The following KCNIP4 variants were observed in gnomAD, a reference collection of about 807,000 sequenced individuals.
KCNIP4 encodes the protein potassium voltage-gated channel interacting protein 4.
In KCNIP4, 12 loss-of-function variants were observed where a neutral mutation model predicts 34.0. The ratio of observed to expected loss-of-function variants is 0.35; its 90% confidence interval spans 0.23 to 0.57. KCNIP4 has a LOEUF of 0.57. Among genes scored for constraint, KCNIP4 ranks in the 20% least tolerant of loss-of-function variants. The probability of loss-of-function intolerance (pLI) is 0.83; values close to 1 mark genes in which losing one functional copy is unlikely to be tolerated. For synonymous variants in KCNIP4, 124 were observed against 102.2 expected, an observed-to-expected ratio of 1.21 and a Z score of -1.29; for missense variants, 238 against 311.7, an observed-to-expected ratio of 0.76 and a Z score of 1.78.
At chr4:21,593,160 GA>G (rs1451624709) in intron 1 of KCNIP4, among the ~76,000 whole-genome samples, 15 of 144,974 alleles carry the variant, frequency 1.0e-4, no homozygotes, top group Middle Eastern at 3.5e-3. Flanking sequence ...TTAACAGAGT[GA>G]AAAAAAAAAG....
chr4:21,260,456 C>T (rs1425024552), intron 1 of KCNIP4, among the ~76,000 whole-genome samples: 1 of 152,140 alleles, frequency 6.6e-6, no homozygotes, highest in Non-Finnish European at 1.5e-5. Flanking sequence ...ATGACATGCC[C>T]ATGACGTAGT....
chr4:20,766,253 A>C (rs920278561), intron 3 of KCNIP4, among the ~76,000 whole-genome samples: 2 of 152,160 alleles, frequency 1.3e-5, no homozygotes, highest in Admixed American at 1.3e-4. Flanking sequence ...AGATCACAGA[A>C]TCAGGAAACT....
At chr4:21,479,192 C>T (rs539952462) in intron 1 of KCNIP4, among the ~76,000 whole-genome samples, 2 of 152,126 alleles carry the variant, frequency 1.3e-5, no homozygotes, top group African/African-American at 4.8e-5. Context: ...CAGAAGACAC[C>T]TACTATCACC....
At position 21,685,227 on chromosome 4, in the gene KCNIP4, T is replaced by C. The variant is rs146329270; in HGVS notation, c.61+263344A>G. Among the ~76,000 whole-genome samples, 896 of 152,320 alleles carry C rather than the reference T, an allele frequency of 5.9e-3. 13 individuals are homozygous for C. Among genetic ancestry groups the C allele is most frequent in the South Asian group, 8.5e-3 (41 of 4,828 alleles). On this transcript the variant is annotated intron_variant, in intron 1 of 8. Transcript: ENST00000382152. The stretch of plus-strand genomic sequence containing the variant: ...AATAATTGCATAATGTTTTACATAA[T>C]ACACTACACCGATTTATAAGTATCT...
intron 1 of KCNIP4, among the ~76,000 whole-genome samples, chr4:20,883,390 A>G (rs1163760420): frequency 6.6e-6 from 1 of 152,228 alleles, no homozygotes; most frequent in African/African-American, 2.4e-5. Context: ...TTAACCCAGG[A>G]ATAGACGGAG....
intron 1 of KCNIP4, among the ~76,000 whole-genome samples, chr4:21,307,815 G>A (rs557186790): frequency 3.4e-4 from 51 of 152,192 alleles, no homozygotes; most frequent in African/African-American, 1.2e-3. Context: ...CATGAGCACT[G>A]CATGCTCACA....
At chr4:21,738,674 T>A (rs1716184083) in intron 1 of KCNIP4, among the ~76,000 whole-genome samples, 1 of 152,190 alleles carries the variant, frequency 6.6e-6, no homozygotes, top group South Asian at 2.1e-4. Context: ...TCTAATTCCA[T>A]CCATTCTTTA....
chr4:21,755,683 T>C (rs1264615102), intron 1 of KCNIP4, among the ~76,000 whole-genome samples: 2 of 152,208 alleles, frequency 1.3e-5, no homozygotes, highest in East Asian at 1.9e-4. Flanking sequence ...AGAAGCCACT[T>C]AACTGGTCAA....
At chr4:21,071,529 T>G (rs970353810) in intron 1 of KCNIP4, among the ~76,000 whole-genome samples, 4 of 152,222 alleles carry the variant, frequency 2.6e-5, no homozygotes, top group Admixed American at 2.6e-4. Flanking sequence ...CCTACGTTAT[T>G]ATTTTGCAAA....
At chr4:21,367,662 A>G (rs1181603527) in intron 1 of KCNIP4, among the ~76,000 whole-genome samples, 1 of 147,730 alleles carries the variant, frequency 6.8e-6, no homozygotes. Flanking sequence ...TCAAACAGAA[A>G]AATCCTGATG....
chr4:21,323,107 A>G (rs779830015), intron 1 of KCNIP4, among the ~76,000 whole-genome samples: 39 of 150,186 alleles, frequency 2.6e-4, no homozygotes, highest in Admixed American at 1.8e-3. Context: ...GTATGAGTCA[A>G]TTATGGCCAC....
At chr4:21,019,664 T>C (rs918524448) in intron 1 of KCNIP4, among the ~76,000 whole-genome samples, 1 of 152,150 alleles carries the variant, frequency 6.6e-6, no homozygotes, top group African/African-American at 2.4e-5. Flanking sequence ...TACCATATTA[T>C]TTTGTTCAAA....
chr4:21,677,808 G>A (rs763600687), intron 1 of KCNIP4, among the ~76,000 whole-genome samples: 35 of 152,126 alleles, frequency 2.3e-4, no homozygotes, highest in Admixed American at 5.9e-4. Flanking sequence ...GGAGTGCAGC[G>A]GCACGATGTT....
chr4:21,626,638 C>T lies in KCNIP4; in HGVS notation c.61+321933G>A, dbSNP rs143375333. Among the ~76,000 whole-genome samples, 136 of 152,216 alleles carry T rather than the reference C, an allele frequency of 8.9e-4. 1 individual carries two copies. The East Asian group carries it at 0.023, about 26-fold the overall frequency. ...ACTAAGCACTTTGGGGCAGTGGCAA[C>T]TACCCCATCTCACTCAAACCCTTCA... On this transcript the variant is annotated intron_variant, in intron 1 of 8. Coordinates refer to ENST00000382152, the MANE Select transcript of KCNIP4 (RefSeq NM_025221.6).
intron 1 of KCNIP4, among the ~76,000 whole-genome samples, chr4:20,979,388 C>T (rs1735815953): frequency 1.3e-5 from 2 of 150,778 alleles, no homozygotes; most frequent in Non-Finnish European, 2.9e-5. Context: ...ATCTCTGCTT[C>T]CACTTTCTTT....
At chr4:21,560,220 A>G (rs940776869) in intron 1 of KCNIP4, among the ~76,000 whole-genome samples, 2 of 152,080 alleles carry the variant, frequency 1.3e-5, no homozygotes, top group African/African-American at 2.4e-5. Flanking sequence ...AAATGTTCCT[A>G]ACTTTAAGAT....
intron 1 of KCNIP4, among the ~76,000 whole-genome samples, chr4:21,442,223 T>A (rs1313710088): frequency 6.6e-6 from 1 of 152,134 alleles, no homozygotes. Context: ...CTTGCAGAGA[T>A]TCGCCAGGAG....
At chr4:20,834,311 C>T (rs897925242) in intron 3 of KCNIP4, among the ~76,000 whole-genome samples, 6 of 152,030 alleles carry the variant, frequency 3.9e-5, no homozygotes, top group East Asian at 1.9e-4. Context: ...GTTCAGGTGT[C>T]GAATAATGCC....
intron 1 of KCNIP4, among the ~76,000 whole-genome samples, chr4:21,213,745 G>A (rs1490453938): frequency 6.6e-6 from 1 of 152,076 alleles, no homozygotes; most frequent in African/African-American, 2.4e-5. Context: ...AAATGGTTTG[G>A]CCCATGTATG....
Sources: allele counts gnomAD v4.1 joint callset (sites outside exome capture counted in the v4.1 genomes callset), GRCh38; gene constraint gnomAD v4.1.1; transcripts MANE v1.5; gene names NCBI Gene and HGNC (gene_info 2026-07-23, HGNC 2026-07-21).